The following RNF180 variants were observed in gnomAD, a reference collection of about 807,000 sequenced individuals.
RNF180 encodes E3 ubiquitin-protein ligase RNF180.
Under a neutral mutation model 59.2 loss-of-function variants are expected in RNF180, and 38 were observed. The ratio of observed to expected loss-of-function variants is 0.64; its 90% confidence interval spans 0.50 to 0.84. The LOEUF (loss-of-function observed/expected upper bound fraction) is 0.84. Ranked by LOEUF, RNF180 falls within the 40% of genes least tolerant of loss-of-function variation. The probability of loss-of-function intolerance (pLI) is 0.00; values close to 1 mark genes in which losing one functional copy is unlikely to be tolerated. For synonymous variants in RNF180, 262 were observed against 240.3 expected (o/e 1.09, Z -0.84); for missense variants, 705 against 700.9 (o/e 1.01, Z -0.07).
At chr5:64,197,874 T>C (rs1202642916) in intron 1 of RNF180, among the ~76,000 whole-genome samples, 2 of 152,146 alleles carry the variant, frequency 1.3e-5, no homozygotes, top group African/African-American at 2.4e-5. Context: ...CCTAGAAACA[T>C]TGAATTAGAA....
intron 1 of RNF180, among the ~76,000 whole-genome samples, chr5:64,173,611 C>G (rs1750063051): frequency 6.6e-6 from 1 of 151,884 alleles, no homozygotes; most frequent in Non-Finnish European, 1.5e-5. Context: ...TGACCAATCT[C>G]TCTCCCTCCT....
At chr5:64,184,441 A>T (rs1255839192) in intron 1 of RNF180, among the ~76,000 whole-genome samples, 1 of 152,204 alleles carries the variant, frequency 6.6e-6, no homozygotes, top group Non-Finnish European at 1.5e-5. Flanking sequence ...TCGGGGTCAA[A>T]AATGGTAATT....
chr5:64,369,853 A>G lies in RNF180; in HGVS notation c.*39A>G. On this transcript the variant is annotated 3_prime_UTR_variant, in exon 8 of 8. Coordinates refer to ENST00000389100, the MANE Select transcript of RNF180 (RefSeq NM_001113561.2). ...TACTACAATTGACCAATCATAAATG[A>G]TGTAAATAACAATTGCTTAAACATT... 8.9e-7 allele frequency: 1 copy of G among 1,123,836 alleles called. No individual in the cohort carries two copies. The highest frequency in any genetic ancestry group is 2.5e-5 in the South Asian group (1 of 40,364). The allele number at this position is 1,123,836 out of a possible 1,614,324, so 69.6% of individuals were successfully genotyped here. A position where few individuals can be genotyped will look rare whatever the true frequency, so the allele number is the denominator to read the frequency against.
intron 5 of RNF180, among the ~76,000 whole-genome samples, chr5:64,272,193 A>G (rs562676592): frequency 3.3e-5 from 5 of 152,232 alleles, no homozygotes; most frequent in African/African-American, 1.2e-4. Flanking sequence ...TGCTAAGAAG[A>G]AGGACACGTT....
chr5:64,205,862 T>C (rs1312841027), intron 2 of RNF180, among the ~76,000 whole-genome samples: 2 of 151,798 alleles, frequency 1.3e-5, no homozygotes, highest in African/African-American at 4.8e-5. Flanking sequence ...ATAGGAACAC[T>C]TACAGGATAG....
At chr5:64,302,531 G>A (rs1453763138) in intron 5 of RNF180, among the ~76,000 whole-genome samples, 3 of 151,520 alleles carry the variant, frequency 2.0e-5, no homozygotes, top group East Asian at 3.9e-4. Flanking sequence ...GAGGATTGGG[G>A]CCAAAGGGTC....
chr5:64,238,852 T>C (rs1742608008), intron 5 of RNF180, among the ~76,000 whole-genome samples: 1 of 152,156 alleles, frequency 6.6e-6, no homozygotes, highest in African/African-American at 2.4e-5. Flanking sequence ...GTCCCACTTA[T>C]TTATTTTTGT....
intron 5 of RNF180, among the ~76,000 whole-genome samples, chr5:64,219,443 T>C (rs1752796892): frequency 6.6e-6 from 1 of 152,160 alleles, no homozygotes; most frequent in Admixed American, 6.6e-5. Flanking sequence ...TGTCTGATTT[T>C]GGTACTAGGG....
intron 5 of RNF180, among the ~76,000 whole-genome samples, chr5:64,314,297 T>A (rs893089686): frequency 1.3e-5 from 2 of 150,990 alleles, no homozygotes; most frequent in Admixed American, 1.3e-4. Context: ...CATTTTTTTT[T>A]ACTACTTCTT....
intron 2 of RNF180, among the ~76,000 whole-genome samples, chr5:64,201,774 C>G (rs1033871182): frequency 2.6e-5 from 4 of 152,164 alleles, no homozygotes; most frequent in African/African-American, 9.7e-5. Flanking sequence ...GAGTCTTGCT[C>G]TGTCACCCAG....
chr5:64,283,104 C>T (rs187038074), intron 5 of RNF180, among the ~76,000 whole-genome samples: 2 of 152,212 alleles, frequency 1.3e-5, no homozygotes, highest in Admixed American at 1.3e-4. Flanking sequence ...AATGTTGAAG[C>T]CACCTTGTAT....
intron 7 of RNF180, among the ~76,000 whole-genome samples, chr5:64,360,545 A>G (rs951419877): frequency 1.3e-5 from 2 of 151,778 alleles, no homozygotes; most frequent in Non-Finnish European, 2.9e-5. Context: ...ATAGTGTTGG[A>G]AGTTCTGGCC....
chr5:64,344,612 T>C (rs893791356), intron 7 of RNF180, among the ~76,000 whole-genome samples: 5 of 152,268 alleles, frequency 3.3e-5, no homozygotes, highest in Admixed American at 3.3e-4. Context: ...GCTTGTGTTA[T>C]TAGCAGCGGT....
intron 5 of RNF180, among the ~76,000 whole-genome samples, chr5:64,240,411 T>TGAA (rs1742737575): frequency 6.6e-6 from 1 of 152,200 alleles, no homozygotes; most frequent in Non-Finnish European, 1.5e-5. Flanking sequence ...ATAATATATT[T>TGAA]ATAATAGAGT....
Position 64,214,442 on chromosome 5 carries a change from T to A in RNF180, c.1116T>A (p.Leu372=). 5 of 1,613,792 alleles carry A rather than the reference T, an allele frequency of 3.1e-6. No homozygotes were observed. Among genetic ancestry groups the A allele is most frequent in the Non-Finnish European group, 3.4e-6 (4 of 1,179,804 alleles). Residue 372 remains leucine, a synonymous_variant, in exon 4 of 8, where the codon CTT becomes CTA. Transcript: ENST00000389100. The part of the protein sequence containing the change: ...NFSLGSINQR[L]NKRERSKLKN... Reference sequence around the variant, plus strand: ...CATTGGGCAGCATTAATCAGAGGCTTAATAAGAGAGAAAGGAGCAAGTTGA... The same window carrying A: ...CATTGGGCAGCATTAATCAGAGGCTAAATAAGAGAGAAAGGAGCAAGTTGA...
intron 5 of RNF180, among the ~76,000 whole-genome samples, chr5:64,265,099 T>C (rs1326965034): frequency 6.6e-6 from 1 of 152,232 alleles, no homozygotes; most frequent in Non-Finnish European, 1.5e-5. Flanking sequence ...TAAATTTGTT[T>C]AAGTTCCTTG....
chr5:64,241,862 G>A (rs1210955301), intron 5 of RNF180, among the ~76,000 whole-genome samples: 1 of 152,130 alleles, frequency 6.6e-6, no homozygotes, highest in Non-Finnish European at 1.5e-5. Context: ...AGAGGGAAGT[G>A]AGCACAAGAC....
intron 1 of RNF180, among the ~76,000 whole-genome samples, chr5:64,187,795 A>G (rs772940586): frequency 2.0e-5 from 3 of 152,204 alleles, no homozygotes; most frequent in African/African-American, 4.8e-5. Context: ...CATACATTCC[A>G]TAGGCATCTG....
At chr5:64,319,174 T>TAA (rs67593090) in intron 5 of RNF180, among the ~76,000 whole-genome samples, 24 of 134,462 alleles carry the variant, frequency 1.8e-4, no homozygotes, top group African/African-American at 4.1e-4. Flanking sequence ...AACTGTTGTT[T>TAA]AAAAAAAAAA....
Sources: allele counts gnomAD v4.1 joint callset (sites outside exome capture counted in the v4.1 genomes callset), GRCh38; gene constraint gnomAD v4.1.1; transcripts MANE v1.5; gene names NCBI Gene and HGNC (gene_info 2026-07-23, HGNC 2026-07-21).